THOC1: variants seen among roughly 807,000 people sequenced by gnomAD.
The protein encoded by THOC1 is THO complex 1.
In THOC1, 29 loss-of-function variants were observed where a neutral mutation model predicts 97.3. The observed-to-expected ratio is 0.30, with a 90% CI of 0.22 to 0.41. THOC1 has a LOEUF of 0.41. Ranked by LOEUF, THOC1 falls within the 10% of genes least tolerant of loss-of-function variation. The probability of loss-of-function intolerance (pLI) is 1.00; values close to 1 mark genes in which losing one functional copy is unlikely to be tolerated. For synonymous variants in THOC1, 255 were observed against 257.0 expected (o/e 0.99, Z 0.07); for missense variants, 529 against 761.9 (o/e 0.69, Z 3.60).
intron 11 of THOC1, among the ~76,000 whole-genome samples, chr18:232,582 ATCT>A (rs1225268810): frequency 6.6e-6 from 1 of 151,890 alleles, no homozygotes; most frequent in Non-Finnish European, 1.5e-5. Context: ...GGTACAGTGA[ATCT>A]TCTTAGAGAT....
intron 17 of THOC1, among the ~76,000 whole-genome samples, chr18:220,506 CTG>C (rs1486981665): frequency 6.6e-6 from 1 of 151,936 alleles, no homozygotes; most frequent in East Asian, 1.9e-4. Flanking sequence ...GATAGAGTGA[CTG>C]TGCCATCAGA....
rs1367067457 is a variant in THOC1, at chr18:225,137, T to C, written c.1089A>G (p.Leu363=). ...IEDTTKSVYQ[L]LSENPPDGER... ...CTCCATCGGGGGGGTTTTCAGATAG[T>C]AGCTGTGATTAGAAAGAATATACTA... The change falls in exon 14 of 21, where the codon CTA becomes CTG. Residue 363 remains leucine (L), a splice_region_variant and synonymous_variant. Transcript: ENST00000261600. 2 of 1,570,422 alleles carry C rather than the reference T, an allele frequency of 1.3e-6. No homozygotes were observed. Among genetic ancestry groups the C allele is most frequent in the Non-Finnish European group, 1.7e-6 (2 of 1,156,992 alleles).
chr18:239,823 A>G (rs1268040491), intron 11 of THOC1, among the ~76,000 whole-genome samples: 2 of 152,226 alleles, frequency 1.3e-5, no homozygotes, highest in Non-Finnish European at 2.9e-5. Flanking sequence ...TGTATATAAT[A>G]GAGGAGGGAG....
chr18:256,182 T>C (rs1232099916), intron 7 of THOC1, among the ~76,000 whole-genome samples: 1 of 125,086 alleles, frequency 8.0e-6, no homozygotes, highest in Non-Finnish European at 1.7e-5. Context: ...AAGAAATACA[T>C]TTCATGAGGC....
rs1222459280 is a variant in THOC1 at position 254,877 on chromosome 18, A to G, written c.521-522T>C. ...GTCACCCAGGCTGCAGTGCAGTGGCATGATCATGGCTCACTGCAAGTTCAG... is the reference window on the plus strand; with the variant it reads ...GTCACCCAGGCTGCAGTGCAGTGGCGTGATCATGGCTCACTGCAAGTTCAG... On this transcript the variant is annotated intron_variant, in intron 7 of 20. Coordinates refer to ENST00000261600, the MANE Select transcript of THOC1 (RefSeq NM_005131.3). This position sits in a 1 kb window ranked among gnomAD's most constrained non-coding sequence, Gnocchi z 4.1. 6.6e-6 allele frequency among the ~76,000 whole-genome samples: 1 copy of G among 151,042 alleles called. No homozygotes were observed. Among genetic ancestry groups the G allele is most frequent in the Non-Finnish European group, 1.5e-5 (1 of 67,876 alleles).
At chr18:234,933 C>T (rs1055663304) in intron 11 of THOC1, among the ~76,000 whole-genome samples, 2 of 151,954 alleles carry the variant, frequency 1.3e-5, no homozygotes, top group Admixed American at 6.6e-5. Flanking sequence ...TTCTCTTTTT[C>T]TAACTTCTGA....
At chr18:215,792 G>A (rs1181363971) in intron 19 of THOC1, 1 of 338,804 alleles carries the variant, frequency 3.0e-6, no homozygotes, top group African/African-American at 2.1e-5. Flanking sequence ...AATACCCAGG[G>A]TTTATTTAGT....
At chr18:267,505 A>C (rs1417413612) in intron 1 of THOC1, among the ~76,000 whole-genome samples, 5 of 152,146 alleles carry the variant, frequency 3.3e-5, no homozygotes, top group Admixed American at 2.0e-4. Flanking sequence ...GGAGTTAGAC[A>C]CGGTGGGTTA....
intron 16 of THOC1, 31 bp from the exon 17 acceptor site, chr18:223,536 T>G (rs1911164641): frequency 1.3e-6 from 2 of 1,510,284 alleles, no homozygotes; most frequent in African/African-American, 2.8e-5. Context: ...TAAATACATT[T>G]TTTATGGACA....
Position 268,024 on chromosome 18 carries a change from T to C in THOC1, c.-5A>G. ...GAGCGGCGGCGTCGGAGACATCTTC[T>C]CGGCTGCGCGTGCCCGCCACTGCGC... On this transcript the variant is annotated 5_prime_UTR_variant, in exon 1 of 21. Transcript: ENST00000261600. 1 of 1,585,764 alleles carries C rather than the reference T, an allele frequency of 6.3e-7. No homozygotes were observed. Among genetic ancestry groups the C allele is most frequent in the Non-Finnish European group, 8.6e-7 (1 of 1,165,604 alleles).
At chr18:243,591 C>CTGTCATGT (rs375259209) in intron 11 of THOC1, among the ~76,000 whole-genome samples, 6 of 151,850 alleles carry the variant, frequency 4.0e-5, no homozygotes, top group Non-Finnish European at 7.4e-5. Flanking sequence ...TTTGAAATAG[C>CTGTCATGT]TGTCATGTCC....
chr18:220,208 A>C (rs1444854825), intron 17 of THOC1, among the ~76,000 whole-genome samples: 2 of 152,170 alleles, frequency 1.3e-5, no homozygotes, highest in Non-Finnish European at 2.9e-5. Flanking sequence ...CTCCTTGTAG[A>C]TGAACTGATT....
In THOC1 at chr18:241,931, A is replaced by G. The variant is rs1598299163; in HGVS notation, c.918+4393T>C. Among the ~76,000 whole-genome samples, 6 of 152,192 alleles carry G rather than the reference A, an allele frequency of 3.9e-5. No individual in the cohort carries two copies. The South Asian group carries it at 1.2e-3, about 32-fold the overall frequency. On this transcript the variant is annotated intron_variant, in intron 11 of 20. Transcript: ENST00000261600. The stretch of plus-strand genomic sequence containing the variant: ...CACTGCATTAGAAAATAAGCAACCC[A>G]GGTGTATCAGCACTACATTTAGCAA...
chr18:246,940 A>G (rs1180935739), intron 10 of THOC1, among the ~76,000 whole-genome samples: 1 of 151,418 alleles, frequency 6.6e-6, no homozygotes, highest in Non-Finnish European at 1.5e-5. Context: ...AAAAAAACGA[A>G]GAAATATGAT....
intron 14 of THOC1, 34 bp downstream of exon 14, chr18:225,055 C>T: frequency 6.4e-7 from 1 of 1,566,398 alleles, no homozygotes; most frequent in South Asian, 1.2e-5. Context: ...CTATTTCGTG[C>T]TAAGAAGAGG....
chr18:249,197 C>G (rs1050848439), intron 9 of THOC1, among the ~76,000 whole-genome samples: 1 of 152,190 alleles, frequency 6.6e-6, no homozygotes, highest in Non-Finnish European at 1.5e-5. Context: ...TTAGTAGTAT[C>G]TGAAAGACTC....
At chr18:251,542 T>C (rs1329636150) in intron 9 of THOC1, among the ~76,000 whole-genome samples, 1 of 151,398 alleles carries the variant, frequency 6.6e-6, no homozygotes, top group Non-Finnish European at 1.5e-5. Context: ...TCCTTCAACA[T>C]TGTTTTATTG....
At chr18:236,350 CTTTTTTTT>C (rs71174215) in intron 11 of THOC1, among the ~76,000 whole-genome samples, 5 of 88,374 alleles carry the variant, frequency 5.7e-5, no homozygotes, top group Admixed American at 2.8e-4. Flanking sequence ...GAATAAGATT[CTTTTTTTT>C]TTTTTTTTTT....
chr18:218,678 A>C (rs1047372789), intron 18 of THOC1, among the ~76,000 whole-genome samples: 2 of 152,096 alleles, frequency 1.3e-5, no homozygotes, highest in Non-Finnish European at 2.9e-5. Flanking sequence ...TTTTGAAACA[A>C]GGGTGATTCC....
Sources: allele counts gnomAD v4.1 joint callset (sites outside exome capture counted in the v4.1 genomes callset), GRCh38; gene constraint gnomAD v4.1.1; non-coding constraint Gnocchi (gnomAD v3.1); transcripts MANE v1.5; gene names NCBI Gene and HGNC (gene_info 2026-07-23, HGNC 2026-07-21).